Variants in MUSK observed in about 807,000 individuals in gnomAD.
MUSK encodes muscle associated receptor tyrosine kinase, also known as muscle, skeletal receptor tyrosine-protein kinase.
MUSK carries 55 observed loss-of-function variants against 88.7 expected under a neutral mutation model. The ratio of observed to expected loss-of-function variants is 0.62; its 90% CI spans 0.50 to 0.78. The LOEUF (loss-of-function observed/expected upper bound fraction) is 0.78, where lower values mean the gene tolerates loss of function less well. MUSK is among the 30% of genes least tolerant of loss of function. The pLI is 0.00. For synonymous variants in MUSK, 387 were observed against 391.9 expected, an observed-to-expected ratio of 0.99 and a Z score of 0.15; for missense variants, 1,015 against 1,074.3, an observed-to-expected ratio of 0.94 and a Z score of 0.77.
At chr9:110,703,571 G>A (rs1271008133) in intron 5 of MUSK, among the ~76,000 whole-genome samples, 4 of 151,358 alleles carry the variant, frequency 2.6e-5, no homozygotes, top group Non-Finnish European at 4.4e-5. Flanking sequence ...GAAGACAGGC[G>A]GTTTTGATAA....
chr9:110,800,641 T>C lies in MUSK; in HGVS notation c.2263T>C (p.Tyr755His). The stretch of plus-strand genomic sequence containing the variant: ...CTCCAGGAACATCTACTCAGCAGAC[T>C]ACTACAAAGCTAATGAAAACGACGC... ...GLSRNIYSAD[Y>H]YKANENDAIP... Residue 755 changes from tyrosine (Y) to histidine (H), a missense_variant, in exon 15 of 15, where the codon TAC (tyrosine) becomes CAC (histidine). By Grantham distance (83) the Tyr-to-His change is moderately conservative. Transcript: ENST00000374448. 1 of 1,598,414 alleles carries C rather than the reference T, an allele frequency of 6.3e-7. No individual in the cohort carries two copies. The highest frequency in any genetic ancestry group is 2.3e-5 in the East Asian group (1 of 43,578).
intron 13 of MUSK, among the ~76,000 whole-genome samples, chr9:110,786,100 C>T (rs975328748): frequency 2.0e-5 from 3 of 151,008 alleles, no homozygotes; most frequent in African/African-American, 4.9e-5. Flanking sequence ...TCACCTTAGT[C>T]AGGAATTCAA....
At chr9:110,674,757 T>C (rs757641468) in intron 1 of MUSK, among the ~76,000 whole-genome samples, 1 of 151,876 alleles carries the variant, frequency 6.6e-6, no homozygotes, top group Non-Finnish European at 1.5e-5. Context: ...GATTACAAAG[T>C]GTGTGCCACC....
chr9:110,690,859 T>C (rs536582275), intron 3 of MUSK, among the ~76,000 whole-genome samples: 1 of 135,980 alleles, frequency 7.4e-6, no homozygotes, highest in Admixed American at 8.3e-5. Flanking sequence ...TATATAAATA[T>C]ATATATTTAA....
At chr9:110,741,097 C>T (rs905395143) in intron 6 of MUSK, among the ~76,000 whole-genome samples, 2 of 152,012 alleles carry the variant, frequency 1.3e-5, no homozygotes, top group Admixed American at 1.3e-4. Flanking sequence ...CACTGTATTG[C>T]GCACTTGAAA....
intron 5 of MUSK, among the ~76,000 whole-genome samples, chr9:110,724,730 C>T (rs1195055771): frequency 6.6e-6 from 1 of 151,778 alleles, no homozygotes; most frequent in Non-Finnish European, 1.5e-5. Context: ...TTTTAGGTAG[C>T]AAAAAATTAT....
intron 3 of MUSK, among the ~76,000 whole-genome samples, chr9:110,690,034 A>C (rs1382947809): frequency 1.1e-5 from 1 of 92,882 alleles, no homozygotes; most frequent in African/African-American, 5.0e-5. Context: ...ATTATATATT[A>C]ATATAAGTAT....
At chr9:110,740,673 C>T (rs528687231) in intron 6 of MUSK, among the ~76,000 whole-genome samples, 11 of 152,196 alleles carry the variant, frequency 7.2e-5, no homozygotes, top group East Asian at 5.8e-4. Flanking sequence ...AGAAGCATTT[C>T]GCGGCATGAA....
intron 1 of MUSK, among the ~76,000 whole-genome samples, chr9:110,679,775 G>C (rs1473688028): frequency 7.9e-6 from 1 of 127,210 alleles, no homozygotes; most frequent in Non-Finnish European, 1.6e-5. Context: ...TTTAACCATA[G>C]ATGCTTCTTT....
chr9:110,679,318 T>G (rs1345107564), intron 1 of MUSK, among the ~76,000 whole-genome samples: 4 of 152,094 alleles, frequency 2.6e-5, no homozygotes, highest in African/African-American at 4.8e-5. Flanking sequence ...CCTTTTATCA[T>G]TAAGCAATGT....
chr9:110,734,310 A>G lies in MUSK; in HGVS notation c.688A>G (p.Thr230Ala), dbSNP rs1453312699. 6.8e-6 allele frequency: 11 copies of G among 1,613,130 alleles called. No homozygotes were observed. Among genetic ancestry groups the G allele is most frequent in the Non-Finnish European group, 9.3e-6 (11 of 1,179,484 alleles). The change falls in exon 6 of 15, where the codon ACC becomes GCC. Residue 230 changes from threonine to alanine, a missense_variant. Coordinates refer to ENST00000374448, the MANE Select transcript of MUSK (RefSeq NM_005592.4). ...CAATGTCACCTTTGGCTCCTTTGTG[A>G]CCCTGCACTGTACAGCAACAGGCAT... Reference protein sequence around the residue: ...SHNVTFGSFVTLHCTATGIPV... With the variant: ...SHNVTFGSFVALHCTATGIPV...
At chr9:110,675,676 T>C (rs1247760971) in intron 1 of MUSK, among the ~76,000 whole-genome samples, 2 of 148,658 alleles carry the variant, frequency 1.3e-5, no homozygotes, top group East Asian at 4.0e-4. Context: ...TTCAAGTGAT[T>C]CTCCTGCCTC....
chr9:110,785,814 A>G, intron 13 of MUSK, 96 bp downstream of exon 13: 1 of 670,610 alleles, frequency 1.5e-6, no homozygotes. Flanking sequence ...TATTAGCTTT[A>G]TATATATATA....
At chr9:110,757,761 C>T (rs780365281) in intron 7 of MUSK, among the ~76,000 whole-genome samples, 2 of 151,746 alleles carry the variant, frequency 1.3e-5, no homozygotes, top group Admixed American at 6.6e-5. Flanking sequence ...TGTCTCCTTG[C>T]TACTTTCCTT....
intron 13 of MUSK, among the ~76,000 whole-genome samples, chr9:110,787,191 T>C (rs2132032419): frequency 6.6e-6 from 1 of 152,070 alleles, no homozygotes; most frequent in African/African-American, 2.4e-5. Context: ...TGAAACCCTG[T>C]CTCTACTAAA....
At chr9:110,676,170 T>A (rs2131632267) in intron 1 of MUSK, among the ~76,000 whole-genome samples, 1 of 151,892 alleles carries the variant, frequency 6.6e-6, no homozygotes, top group African/African-American at 2.4e-5. Flanking sequence ...ATTCATTTTT[T>A]TAAAAAATCC....
chr9:110,802,238 G>A lies in MUSK; in HGVS notation c.*1250G>A, dbSNP rs1407927748. On this transcript the variant is annotated 3_prime_UTR_variant, in exon 15 of 15. Transcript: ENST00000374448. ...ATTTCATGATTTAAAAAAAAAAGCA[G>A]CAGCTCTGGAACTCAGATTCCTGGG... Among the ~76,000 whole-genome samples the A allele has an allele frequency of 6.6e-6, 1 of 151,942 alleles. No individual in the cohort carries two copies. The highest frequency in any genetic ancestry group is 1.5e-5 in the Non-Finnish European group (1 of 67,984).
chr9:110,696,098 G>C lies in MUSK; in HGVS notation c.486+568G>C, dbSNP rs557553718. On this transcript the variant is annotated intron_variant, in intron 4 of 14. Coordinates refer to ENST00000374448, the MANE Select transcript of MUSK (RefSeq NM_005592.4). ...TCAAGACCAGCCTGGCCAACATGGC[G>C]AAATCCTGTCTCTACTAAAAATACA... Among the ~76,000 whole-genome samples the C allele has an allele frequency of 3.9e-5, 6 of 152,104 alleles. No individual in the cohort carries two copies. In the East Asian group the frequency reaches 1.2e-3, roughly 29 times the overall value.
chr9:110,798,049 T>C (rs565525618), intron 14 of MUSK, among the ~76,000 whole-genome samples: 2 of 152,348 alleles, frequency 1.3e-5, no homozygotes, highest in Admixed American at 6.5e-5. Flanking sequence ...TTAAATGCTA[T>C]ATCTAAATTC....
Sources: gnomAD v4.1 joint callset for allele counts (sites outside exome capture counted in the v4.1 genomes callset) on GRCh38, gnomAD v4.1.1 for gene constraint, MANE v1.5 for transcripts, NCBI Gene and HGNC (gene_info 2026-07-23, HGNC 2026-07-21) for gene names.